CHODL: variants seen among roughly 807,000 people sequenced by gnomAD.
CHODL encodes transmembrane protein MT75.
A neutral mutation model predicts 34.5 loss-of-function variants in CHODL; 29 were observed. That is an observed-to-expected ratio of 0.84 (90% confidence interval 0.63 to 1.15). The LOEUF (loss-of-function observed/expected upper bound fraction) is 1.15, where lower values mean the gene tolerates loss of function less well. Among genes scored for constraint, CHODL ranks in the 50% most tolerant of loss-of-function variants. The probability of loss-of-function intolerance (pLI) is 0.00; values close to 1 mark genes in which losing one functional copy is unlikely to be tolerated. For synonymous variants in CHODL, 125 were observed against 116.1 expected, an observed-to-expected ratio of 1.08 and a Z score of -0.49; for missense variants, 332 against 332.5, an observed-to-expected ratio of 1.00 and a Z score of 0.01.
intron 2 of CHODL, among the ~76,000 whole-genome samples, chr21:18,046,282 G>A (rs2064442221): frequency 6.6e-6 from 1 of 151,836 alleles, no homozygotes; most frequent in African/African-American, 2.4e-5. Flanking sequence ...AGAATTCTTT[G>A]GTGTACATTT....
intron 1 of CHODL, among the ~76,000 whole-genome samples, chr21:17,954,186 A>G (rs962818691): frequency 1.4e-4 from 21 of 152,272 alleles, no homozygotes; most frequent in African/African-American, 4.3e-4. Context: ...ATAATGAGTG[A>G]TATTTTGCAA....
In CHODL at chr21:18,203,391, C is replaced by G. The variant is rs536011526; in HGVS notation, c.-44-53118C>G. Among the ~76,000 whole-genome samples the G allele has an allele frequency of 1.2e-4, 18 of 152,212 alleles. No homozygotes were observed. In the South Asian group the frequency reaches 2.5e-3, roughly 21 times the overall value. On this transcript the variant is annotated intron_variant, in intron 2 of 6. Coordinates refer to the CHODL transcript ENST00000400127. ...AAAAGCTTACATGTAAAAATGTGTG[C>G]ATAAATAGGCATGCAGTTCGTTCTA... is the stretch of plus-strand genomic sequence containing the variant.
chr21:18,257,409 A>G (rs899149861), intron 3 of CHODL, among the ~76,000 whole-genome samples: 1 of 152,168 alleles, frequency 6.6e-6, no homozygotes, highest in African/African-American at 2.4e-5. Context: ...TTGTAAATAG[A>G]TTTTATAAAC....
At position 18,245,122 on chromosome 21, in the gene CHODL, CGGCAGGGA is replaced by C. The variant is rs1378464772; in HGVS notation, c.-90_-83del. On this transcript the variant is annotated 5_prime_UTR_variant, in exon 1 of 6. Transcript: ENST00000299295. Reference sequence around the variant, plus strand: ...GGGCTCGGGCGGCGGGAGTAGGGCCCGGCAGGGAGGCAGGGAGGCTGCAGAGTCAGAGT... The same window carrying C: ...GGGCTCGGGCGGCGGGAGTAGGGCCCGGCAGGGAGGCTGCAGAGTCAGAGT... The C allele has an allele frequency of 1.2e-5, 13 of 1,065,396 alleles. No homozygotes were observed. The highest frequency in any genetic ancestry group is 1.8e-5 in the South Asian group (1 of 56,592). The allele number at this position is 1,065,396 out of a possible 1,614,324, so 66.0% of individuals were successfully genotyped here. A position where few individuals can be genotyped will look rare whatever the true frequency, so the allele number is the denominator to read the frequency against.
At chr21:18,162,443 T>TTC (rs1439390698) in intron 2 of CHODL, among the ~76,000 whole-genome samples, 5 of 148,256 alleles carry the variant, frequency 3.4e-5, no homozygotes, top group South Asian at 2.1e-4. Flanking sequence ...CTCTTTCTCT[T>TTC]TCTCTCTCTC....
chr21:18,123,718 T>C (rs2150385), intron 2 of CHODL, among the ~76,000 whole-genome samples: 51,110 of 152,018 alleles, frequency 0.34, 9,224 homozygotes, highest in East Asian at 0.61. Context: ...AATAACTTCT[T>C]AAGGCCTCAC....
At chr21:18,193,706 A>AAAAAT (rs1342879056) in intron 2 of CHODL, among the ~76,000 whole-genome samples, 2 of 141,064 alleles carry the variant, frequency 1.4e-5, no homozygotes, top group East Asian at 2.4e-4. Flanking sequence ...AGAAAAAAAA[A>AAAAAT]AAAATAAAAT....
At chr21:18,190,104 T>G (rs971537346) in intron 2 of CHODL, among the ~76,000 whole-genome samples, 1 of 152,220 alleles carries the variant, frequency 6.6e-6, no homozygotes, top group South Asian at 2.1e-4. Flanking sequence ...ATAATTGGCA[T>G]TTTTCTCATT....
intron 2 of CHODL, among the ~76,000 whole-genome samples, chr21:18,112,073 T>A (rs1417184545): frequency 6.6e-6 from 1 of 152,212 alleles, no homozygotes; most frequent in Non-Finnish European, 1.5e-5. Context: ...GAAAAATATG[T>A]CAGTGCCCTC....
rs141206422 is a variant in CHODL, at chr21:18,195,092, T to C, written c.-44-61417T>C. Among the ~76,000 whole-genome samples, 205 of 152,102 alleles carry C rather than the reference T, an allele frequency of 1.3e-3. 1 individual carries two copies. Among genetic ancestry groups the C allele is most frequent in the Middle Eastern group, 0.01 (3 of 292 alleles). On this transcript the variant is annotated intron_variant, in intron 2 of 6. Coordinates refer to the CHODL transcript ENST00000400127. ...ATTTTTGACATGGAGTCTCTCTCTG[T>C]CGCCCAGGCTGGAGTGCAGTGGTGT...
chr21:18,146,134 A>ATTTTTT (rs574946951), intron 2 of CHODL, among the ~76,000 whole-genome samples: 3 of 139,558 alleles, frequency 2.1e-5, no homozygotes, highest in African/African-American at 2.7e-5. Context: ...CGCCCGGTTA[A>ATTTTTT]TTTTTTTTTT....
chr21:18,098,103 T>C (rs2065162217), intron 2 of CHODL, among the ~76,000 whole-genome samples: 1 of 151,990 alleles, frequency 6.6e-6, no homozygotes, highest in South Asian at 2.1e-4. Flanking sequence ...CCTCAGACTA[T>C]AAAAATACTA....
chr21:18,073,651 T>G (rs1405120607), intron 2 of CHODL, among the ~76,000 whole-genome samples: 3 of 152,098 alleles, frequency 2.0e-5, no homozygotes, highest in Non-Finnish European at 4.4e-5. Context: ...ATATTCACAT[T>G]GAGATTTCAG....
intron 2 of CHODL, among the ~76,000 whole-genome samples, chr21:18,035,131 A>T (rs1035890940): frequency 4.0e-5 from 6 of 151,894 alleles, no homozygotes; most frequent in Non-Finnish European, 7.4e-5. Context: ...ATATGTCTGT[A>T]TGTTTACTAT....
intron 2 of CHODL, among the ~76,000 whole-genome samples, chr21:18,152,713 A>G (rs1028049658): frequency 3.3e-5 from 5 of 152,216 alleles, no homozygotes; most frequent in Non-Finnish European, 5.9e-5. Flanking sequence ...TAACCAAGAG[A>G]GCAGCTATCC....
intron 2 of CHODL, among the ~76,000 whole-genome samples, chr21:18,224,234 TGACA>T (rs2073910335): frequency 6.6e-6 from 1 of 152,136 alleles, no homozygotes; most frequent in African/African-American, 2.4e-5. Flanking sequence ...TAGACCCCCT[TGACA>T]GACACTTTCT....
At chr21:18,254,576 T>G (rs2146807944) in intron 1 of CHODL, among the ~76,000 whole-genome samples, 1 of 152,278 alleles carries the variant, frequency 6.6e-6, no homozygotes, top group African/African-American at 2.4e-5. Flanking sequence ...AGATTGTTTA[T>G]AATCTTGCCA....
chr21:18,210,745 T>A (rs2073764150), intron 2 of CHODL, among the ~76,000 whole-genome samples: 2 of 152,208 alleles, frequency 1.3e-5, no homozygotes, highest in Non-Finnish European at 1.5e-5. Flanking sequence ...CAAAGTCTCC[T>A]AATCATGAAC....
intron 5 of CHODL, 117 bp from the exon 6 acceptor site, chr21:18,265,837 C>T (rs2074453218): frequency 4.3e-6 from 3 of 699,618 alleles, no homozygotes; most frequent in Admixed American, 3.2e-5. Context: ...GGAAAATATA[C>T]TGCTGAGAGG....
Sources: gnomAD v4.1 joint callset for allele counts (sites outside exome capture counted in the v4.1 genomes callset) on GRCh38, gnomAD v4.1.1 for gene constraint, MANE v1.5 for transcripts, NCBI Gene and HGNC (gene_info 2026-07-23, HGNC 2026-07-21) for gene names.